Variants in INO80D observed in about 807,000 individuals in gnomAD.
INO80D encodes the protein INO80 complex subunit D.
In INO80D, 21 loss-of-function variants were observed where a neutral mutation model predicts 87.6. The observed-to-expected ratio is 0.24, with a 90% confidence interval of 0.17 to 0.35. The LOEUF (loss-of-function observed/expected upper bound fraction) is 0.35, where lower values mean the gene tolerates loss of function less well. Among genes scored for constraint, INO80D ranks in the 10% least tolerant of loss-of-function variants. The probability of loss-of-function intolerance (pLI) is 1.00; values close to 1 mark genes in which losing one functional copy is unlikely to be tolerated. For synonymous variants in INO80D, 440 were observed against 491.0 expected, an observed-to-expected ratio of 0.90 and a Z score of 1.37; for missense variants, 982 against 1,280.7, an observed-to-expected ratio of 0.77 and a Z score of 3.56.
intron 8 of INO80D, 29 bp from the exon 9 acceptor site, chr2:206,009,823 T>A: frequency 6.4e-7 from 1 of 1,552,226 alleles, no homozygotes; most frequent in Non-Finnish European, 8.8e-7. Flanking sequence ...GGCTTTTAAA[T>A]TGAGATTATC....
At chr2:206,076,362 T>A (rs1325826197) in intron 1 of INO80D, among the ~76,000 whole-genome samples, 1 of 152,216 alleles carries the variant, frequency 6.6e-6, no homozygotes, top group African/African-American at 2.4e-5. Context: ...TTCCATGTTA[T>A]GTACTTTTTA....
chr2:206,039,825 A>G lies in INO80D; in HGVS notation c.1073+6679T>C, dbSNP rs562636018. On this transcript the variant is annotated intron_variant, in intron 5 of 10. Coordinates refer to ENST00000403263, the MANE Select transcript of INO80D (RefSeq NM_017759.5). ...CCTCTGTCTCCAAAAAAAAAAAAAA[A>G]AAAGAAAGAAAGAAAGAAAAAATAT... Among the ~76,000 whole-genome samples, 170 of 150,684 alleles carry G rather than the reference A, an allele frequency of 1.1e-3. 1 individual carries two copies. Among genetic ancestry groups the G allele is most frequent in the Admixed American group, 3.6e-3 (55 of 15,072 alleles).
rs1002269964 is a variant in INO80D at position 206,021,636 on chromosome 2, C to T, written c.1299-1791G>A. Among the ~76,000 whole-genome samples, 5 of 152,028 alleles carry T rather than the reference C, an allele frequency of 3.3e-5. No individual in the cohort carries two copies. In the South Asian group the frequency reaches 8.3e-4, roughly 25 times the overall value. On this transcript the variant is annotated intron_variant, in intron 6 of 10. Transcript: ENST00000403263. The stretch of plus-strand genomic sequence containing the variant: ...ATACTTCTCTTTTTTTATTTTGAGA[C>T]GGAGTTTTGCTTGTTGCCCAGGCTG...
At chr2:206,012,217 C>T (rs1037172798) in intron 8 of INO80D, among the ~76,000 whole-genome samples, 2 of 152,130 alleles carry the variant, frequency 1.3e-5, no homozygotes, top group Admixed American at 6.5e-5. Context: ...AGTATAGGGG[C>T]AGAAAATAGA....
intron 1 of INO80D, among the ~76,000 whole-genome samples, chr2:206,075,039 C>CAAAAAAAAAAAAAA (rs56081344): frequency 3.8e-4 from 45 of 117,676 alleles, no homozygotes; most frequent in African/African-American, 1.3e-3. Flanking sequence ...AACTCCATCT[C>CAAAAAAAAAAAAAA]AAAAAAAAAA....
At position 205,994,594 on chromosome 2, in the gene INO80D, T is replaced by A. The variant is rs558705436; in HGVS notation, c.*9774A>T. 10 of 152,266 alleles carry A rather than the reference T, an allele frequency of 6.6e-5. 1 individual carries two copies. In the South Asian group the frequency reaches 2.1e-3, roughly 32 times the overall value. 9.4% of individuals were successfully genotyped at this position (152,266 alleles called of 1,614,324 possible). On this transcript the variant is annotated 3_prime_UTR_variant, in exon 11 of 11. Coordinates refer to ENST00000403263, the MANE Select transcript of INO80D (RefSeq NM_017759.5). ...GTTCCAGCTAAGCTACTCAGTAAAA[T>A]GGCTCAAACCCCAGCCTCTCTATTT...
At chr2:206,055,362 A>C (rs1689486415) in intron 4 of INO80D, among the ~76,000 whole-genome samples, 1 of 152,242 alleles carries the variant, frequency 6.6e-6, no homozygotes, top group African/African-American at 2.4e-5. Flanking sequence ...GAAGCAACAA[A>C]AGAAAAATAG....
At chr2:206,023,670 G>C (rs1322416698) in intron 6 of INO80D, among the ~76,000 whole-genome samples, 1 of 139,398 alleles carries the variant, frequency 7.2e-6, no homozygotes, top group African/African-American at 2.7e-5. Context: ...GCAACAGAGT[G>C]AGACTCATCT....
At chr2:206,083,639 G>A (rs559472167) in intron 1 of INO80D, among the ~76,000 whole-genome samples, 1 of 152,236 alleles carries the variant, frequency 6.6e-6, no homozygotes, top group East Asian at 1.9e-4. Context: ...GGAAAAGAAA[G>A]GCACACACCT....
chr2:206,071,229 G>A, intron 1 of INO80D, among the ~76,000 whole-genome samples: 2 of 127,240 alleles, frequency 1.6e-5, no homozygotes, highest in East Asian at 2.7e-4. Context: ...AAAGTGCTGG[G>A]ATTACAGGCA....
At chr2:206,061,337 T>C (rs1055640788) in intron 3 of INO80D, among the ~76,000 whole-genome samples, 5 of 152,170 alleles carry the variant, frequency 3.3e-5, no homozygotes, top group African/African-American at 1.2e-4. Flanking sequence ...TAATTCTTGC[T>C]TTGGCTCAAC....
intron 1 of INO80D, among the ~76,000 whole-genome samples, chr2:206,079,960 G>A (rs1262109228): frequency 6.6e-6 from 1 of 152,068 alleles, no homozygotes; most frequent in Non-Finnish European, 1.5e-5. Context: ...CCTCCCATTC[G>A]CTTAGGACAG....
At chr2:206,014,178 C>T (rs1294891805) in intron 8 of INO80D, among the ~76,000 whole-genome samples, 1 of 148,824 alleles carries the variant, frequency 6.7e-6, no homozygotes, top group Non-Finnish European at 1.5e-5. Context: ...AAAAAAACAA[C>T]CTATATTTTA....
intron 4 of INO80D, among the ~76,000 whole-genome samples, chr2:206,049,852 C>A (rs1689301135): frequency 6.6e-6 from 1 of 152,228 alleles, no homozygotes; most frequent in Non-Finnish European, 1.5e-5. Flanking sequence ...AAAAGGGCGT[C>A]CGGGCATGGT....
At chr2:206,033,954 A>G (rs1688830990) in intron 5 of INO80D, among the ~76,000 whole-genome samples, 1 of 152,218 alleles carries the variant, frequency 6.6e-6, no homozygotes, top group Non-Finnish European at 1.5e-5. Context: ...ATTCAAGGCT[A>G]CTATGAACAC....
At chr2:206,047,270 A>AC (rs1171653672) in intron 4 of INO80D, among the ~76,000 whole-genome samples, 11 of 152,020 alleles carry the variant, frequency 7.2e-5, no homozygotes, top group Admixed American at 2.0e-4. Flanking sequence ...AGGCTGGAGC[A>AC]CAGTGTGGCA....
intron 8 of INO80D, among the ~76,000 whole-genome samples, chr2:206,014,928 A>C (rs542382905): frequency 6.6e-6 from 1 of 152,170 alleles, no homozygotes; most frequent in African/African-American, 2.4e-5. Flanking sequence ...TCTCAGAAGG[A>C]GATGAGGAAC....
intron 1 of INO80D, among the ~76,000 whole-genome samples, chr2:206,078,088 A>AAAAAAAAAAAT: frequency 6.8e-6 from 1 of 147,914 alleles, no homozygotes; most frequent in East Asian, 2.0e-4. Context: ...AAAAAAAAAA[A>AAAAAAAAAAAT]GGTTGACCCA....
intron 5 of INO80D, among the ~76,000 whole-genome samples, chr2:206,031,388 A>G (rs1201957161): frequency 1.3e-5 from 2 of 152,228 alleles, no homozygotes; most frequent in Non-Finnish European, 1.5e-5. Context: ...GGAAAACAGA[A>G]GTCTCATTCA....
Sources: gnomAD v4.1 joint callset for allele counts (sites outside exome capture counted in the v4.1 genomes callset) on GRCh38, gnomAD v4.1.1 for gene constraint, MANE v1.5 for transcripts, NCBI Gene and HGNC (gene_info 2026-07-23, HGNC 2026-07-21) for gene names.